CENPI: variants seen among roughly 807,000 people sequenced by gnomAD.
The protein encoded by CENPI is FSH primary response 1.
Under a neutral mutation model 60.4 loss-of-function variants are expected in CENPI, and 4 were observed. That is an observed-to-expected ratio of 0.07 (90% confidence interval 0.03 to 0.15). CENPI has a LOEUF of 0.15. CENPI is among the 10% of genes least tolerant of loss of function. CENPI has a pLI of 1.00. For missense variants in CENPI, 444 were observed against 534.5 expected, an observed-to-expected ratio of 0.83 and a Z score of 1.67; for synonymous variants, 157 against 189.4, an observed-to-expected ratio of 0.83 and a Z score of 1.40.
At chrX:101,172,462 G>GA in the CENPI span, among the ~76,000 whole-genome samples, 183 of 103,126 alleles carry the variant, frequency 1.8e-3, no homozygotes, top group Non-Finnish European at 2.1e-3. Flanking sequence ...TGTTTGGCAG[G>GA]AAAAAAAAAA....
intron 21 of CENPI, among the ~76,000 whole-genome samples, chrX:101,162,469 A>T (rs867987847): frequency 0.12 from 9,601 of 83,014 alleles, 695 homozygotes; most frequent in Non-Finnish European, 0.15. Context: ...AAAAAAAAAA[A>T]AAAAATATAT....
At chrX:101,116,833 C>T (rs1261585430) in intron 6 of CENPI, among the ~76,000 whole-genome samples, 1 of 111,839 alleles carries the variant, frequency 8.9e-6, no homozygotes, top group Non-Finnish European at 1.9e-5. Flanking sequence ...TTCATCACAT[C>T]CTCACCAATA....
chrX:101,178,894 T>C, the CENPI span, among the ~76,000 whole-genome samples: 26,613 of 111,719 alleles, frequency 0.24, 2,315 homozygotes, highest in South Asian at 0.33. Context: ...TTAACTTTGA[T>C]TTCTTAAACA....
chrX:101,122,114 A>G (rs759592906), intron 8 of CENPI, among the ~76,000 whole-genome samples: 15 of 111,544 alleles, frequency 1.3e-4, no homozygotes, highest in Admixed American at 4.8e-4. Context: ...CTAGGAAAGC[A>G]TTTTAAGACA....
At chrX:101,109,614 T>C in intron 5 of CENPI, 23 bp downstream of exon 5, 1 of 1,095,866 alleles carries the variant, frequency 9.1e-7, no homozygotes, top group Non-Finnish European at 1.3e-6. Flanking sequence ...AACACTTTGA[T>C]GATAAGTCCT....
At position 101,146,414 on chromosome X, in the gene CENPI, A is replaced by G. The variant is rs184188180; in HGVS notation, c.1826+137A>G. 3.1e-5 allele frequency: 18 copies of G among 580,384 alleles called. No homozygotes were observed. The East Asian group carries it at 4.4e-4, about 14-fold the overall frequency. The allele number at this position is 580,384 out of a possible 1,213,427, so 47.8% of individuals were successfully genotyped here. ...TAGGAAATGTGGCTTGCTTTTGGAC[A>G]TGACCTTCCGATATGGGGCCATGGT... On this transcript the variant is annotated intron_variant, in intron 18 of 21. Transcript: ENST00000682095.
Position 101,101,128 on chromosome X carries a change from A to G in CENPI, c.58A>G (p.Ser20Gly). The G allele has an allele frequency of 8.3e-7, 1 of 1,211,722 alleles. No homozygotes were observed. The highest frequency in any genetic ancestry group is 3.0e-5 in the East Asian group (1 of 33,842). Residue 20 changes from serine to glycine, a missense_variant, in exon 3 of 22, where the codon AGT (serine) becomes GGT (glycine). Coordinates refer to ENST00000682095, the MANE Select transcript of CENPI (RefSeq NM_001386188.2). Reference sequence around the variant, plus strand: ...GGCACAAAACAGGACTTCACAAGGTAGTAGTAGTTTTCAGACCACGCTTTC... The same window carrying G: ...GGCACAAAACAGGACTTCACAAGGTGGTAGTAGTTTTCAGACCACGCTTTC... ...VQAQNRTSQG[S>G]SSFQTTLSAW...
rs756351630 is a variant in CENPI, at chrX:101,146,283, A to G, written c.1826+6A>G. ...CTGTGTTTTATTATGCACAGGTACA[A>G]AGCCTTTTTACCATTTTATGAAACA... On this transcript the variant is annotated splice_donor_region_variant and intron_variant, in intron 18 of 21. Coordinates refer to ENST00000682095, the MANE Select transcript of CENPI (RefSeq NM_001386188.2). The G allele has an allele frequency of 1.2e-5, 14 of 1,193,998 alleles. No homozygotes were observed. The highest frequency in any genetic ancestry group is 1.5e-5 in the Non-Finnish European group (13 of 886,730).
the CENPI span, among the ~76,000 whole-genome samples, chrX:101,172,776 CTT>C: frequency 9.0e-6 from 1 of 110,975 alleles, no homozygotes; most frequent in African/African-American, 3.3e-5. Flanking sequence ...TGTTTAAAAA[CTT>C]ATAAGGACTA....
intron 15 of CENPI, among the ~76,000 whole-genome samples, chrX:101,137,960 C>T (rs1478708732): frequency 5.7e-5 from 1 of 17,672 alleles, no homozygotes; most frequent in Non-Finnish European, 1.0e-4. Flanking sequence ...AGCTGTGTTT[C>T]TCAACCTTGT....
intron 7 of CENPI, 63 bp downstream of exon 7, chrX:101,120,513 A>T: frequency 1.5e-6 from 1 of 665,742 alleles, no homozygotes; most frequent in South Asian, 2.6e-5. Context: ...TGGCCTTTAT[A>T]AAGTTAAAAT....
chrX:101,178,934 ATTTC>A, the CENPI span, among the ~76,000 whole-genome samples: 5 of 112,193 alleles, frequency 4.5e-5, no homozygotes, highest in African/African-American at 6.5e-5. Context: ...GAATTATTAG[ATTTC>A]TTTAAGCATT....
At chrX:101,175,930 C>T in the CENPI span, among the ~76,000 whole-genome samples, 1 of 111,112 alleles carries the variant, frequency 9.0e-6, no homozygotes, top group Non-Finnish European at 1.9e-5. Flanking sequence ...TTATCCTCCG[C>T]CAACCCCCAC....
chrX:101,133,857 C>T (rs2089821103), intron 15 of CENPI, among the ~76,000 whole-genome samples: 1 of 111,603 alleles, frequency 9.0e-6, no homozygotes, highest in South Asian at 3.7e-4. Context: ...TCCAGTGGAA[C>T]AACTTCTAGT....
chrX:101,158,820 G>T (rs1418334903), intron 20 of CENPI, among the ~76,000 whole-genome samples: 2 of 110,215 alleles, frequency 1.8e-5, no homozygotes, highest in African/African-American at 6.6e-5. Context: ...TAGTAGGGAC[G>T]GGGTTTCGCC....
chrX:101,152,763 C>CT (rs773494469), intron 20 of CENPI, among the ~76,000 whole-genome samples: 370 of 107,575 alleles, frequency 3.4e-3, no homozygotes, highest in African/African-American at 0.012. Context: ...TGTATCAGTA[C>CT]TTTATTTGTT....
chrX:101,113,071 T>C (rs1450943496), intron 6 of CENPI, among the ~76,000 whole-genome samples: 1 of 109,907 alleles, frequency 9.1e-6, no homozygotes, highest in Admixed American at 9.9e-5. Context: ...CTACTTAACA[T>C]GCATACTTTA....
intron 4 of CENPI, 81 bp downstream of exon 4, chrX:101,102,492 T>TACACACAC (rs199742109): frequency 5.6e-5 from 17 of 301,316 alleles, no homozygotes; most frequent in African/African-American, 7.7e-5. Flanking sequence ...ATCTTATATA[T>TACACACAC]ATATACACAC....
At chrX:101,167,907 C>G (rs1200277827), downstream of CENPI, among the ~76,000 whole-genome samples, 1 of 111,861 alleles carries the variant, frequency 8.9e-6, no homozygotes, top group African/African-American at 3.2e-5. Context: ...AAATACTGCT[C>G]CATAATACAG....
Sources: gnomAD v4.1 joint callset for allele counts (sites outside exome capture counted in the v4.1 genomes callset) on GRCh38, gnomAD v4.1.1 for gene constraint, MANE v1.5 for transcripts, NCBI Gene and HGNC (gene_info 2026-07-23, HGNC 2026-07-21) for gene names.